Variants in APBB2 observed in about 807,000 individuals in gnomAD.
The protein encoded by APBB2 is amyloid beta precursor protein binding family B member 2, also known as Fe65-like 1.
Under a neutral mutation model 82.5 loss-of-function variants are expected in APBB2, and 38 were observed. That is an observed-to-expected ratio of 0.46 (90% CI 0.36 to 0.60). APBB2 has a LOEUF of 0.60. Among genes scored for constraint, APBB2 ranks in the 20% least tolerant of loss-of-function variants. The pLI, the probability that APBB2 is intolerant of heterozygous loss-of-function variation, is 0.00. For missense variants in APBB2, 772 were observed against 972.3 expected, an observed-to-expected ratio of 0.79 and a Z score of 2.74; for synonymous variants, 341 against 368.2, an observed-to-expected ratio of 0.93 and a Z score of 0.85.
At chr4:41,158,254 A>G (rs77184204) in intron 1 of APBB2, among the ~76,000 whole-genome samples, 6,206 of 152,272 alleles carry the variant, frequency 0.041, 140 homozygotes, top group Middle Eastern at 0.058. Context: ...AAGCACCTGA[A>G]TTGGCTATTA....
At chr4:40,825,119 T>C (rs886503978) in intron 15 of APBB2, among the ~76,000 whole-genome samples, 3 of 152,258 alleles carry the variant, frequency 2.0e-5, no homozygotes, top group African/African-American at 7.2e-5. Context: ...GTCAGTTGAT[T>C]TGTCAGGACA....
chr4:41,133,840 C>T (rs965024842), intron 2 of APBB2, among the ~76,000 whole-genome samples: 1 of 152,184 alleles, frequency 6.6e-6, no homozygotes, highest in African/African-American at 2.4e-5. Flanking sequence ...TTATCTTCTT[C>T]CTTCCTTCTC....
chr4:41,074,621 T>A (rs1305959455), intron 3 of APBB2, among the ~76,000 whole-genome samples: 31 of 149,892 alleles, frequency 2.1e-4, no homozygotes, highest in Non-Finnish European at 3.7e-4. Flanking sequence ...TTTTTTTTTT[T>A]TTTTTTGAGA....
At chr4:41,108,444 A>G (rs1748029319) in intron 2 of APBB2, among the ~76,000 whole-genome samples, 1 of 151,442 alleles carries the variant, frequency 6.6e-6, no homozygotes, top group African/African-American at 2.4e-5. Flanking sequence ...CGTTGAGAAG[A>G]AAAAAAAAGA....
At chr4:41,154,423 C>T (rs1762987150) in intron 1 of APBB2, among the ~76,000 whole-genome samples, 2 of 152,238 alleles carry the variant, frequency 1.3e-5, no homozygotes, top group African/African-American at 4.8e-5. Context: ...GTTGCGTTTC[C>T]ATAACCAGGA....
rs199943095 is a variant in APBB2, at chr4:41,065,284, C to CA, written c.-51+291dup. On this transcript the variant is annotated intron_variant, in intron 4 of 17. Transcript: ENST00000508593. ...TGGGCAACAGAGCAAGACCCTGTCT[C>CA]AAAAAAGAAAAGAAAAATTTGGAAA... Among the ~76,000 whole-genome samples, 248 of 151,690 alleles carry CA rather than the reference C, an allele frequency of 1.6e-3. 9 individuals carry two copies. In the East Asian group the frequency reaches 0.044, roughly 27 times the overall value.
At chr4:41,081,291 C>T (rs1303336103) in intron 3 of APBB2, among the ~76,000 whole-genome samples, 5 of 152,074 alleles carry the variant, frequency 3.3e-5, no homozygotes, top group South Asian at 2.1e-4. Context: ...TATGTGTGTA[C>T]GTGTGTACAC....
chr4:41,157,145 G>T (rs970079550), intron 1 of APBB2, among the ~76,000 whole-genome samples: 1 of 151,594 alleles, frequency 6.6e-6, no homozygotes, highest in African/African-American at 2.4e-5. Context: ...GTTTTAAAGC[G>T]CTTGGCACAG....
At chr4:41,066,370 A>G (rs1731812043) in intron 3 of APBB2, among the ~76,000 whole-genome samples, 1 of 152,180 alleles carries the variant, frequency 6.6e-6, no homozygotes, top group South Asian at 2.1e-4. Context: ...TTTTTATTTA[A>G]AAAACATATG....
chr4:40,972,707 CAGTT>C (rs1175417286), intron 6 of APBB2, among the ~76,000 whole-genome samples: 3 of 152,146 alleles, frequency 2.0e-5, no homozygotes, highest in Admixed American at 6.5e-5. Context: ...GAGTGGAATC[CAGTT>C]AGTAATTTCC....
At chr4:40,928,955 C>A (rs1274458455) in intron 10 of APBB2, among the ~76,000 whole-genome samples, 1 of 148,524 alleles carries the variant, frequency 6.7e-6, no homozygotes, top group African/African-American at 2.5e-5. Context: ...TGCAATATGG[C>A]ATCCTAGATT....
chr4:40,992,362 G>GT (rs1553899623), intron 6 of APBB2, among the ~76,000 whole-genome samples: 1 of 4,190 alleles, frequency 2.4e-4, no homozygotes, highest in Middle Eastern at 0.5. Context: ...TGGTAGAGAT[G>GT]GGGGGGGGTC....
chr4:40,824,784 C>G (rs1577702532), intron 15 of APBB2, among the ~76,000 whole-genome samples: 1 of 152,246 alleles, frequency 6.6e-6, no homozygotes, highest in Middle Eastern at 3.4e-3. Flanking sequence ...AGCCACCATG[C>G]TAGACCTACC....
At chr4:40,883,526 G>A (rs1237297956) in intron 12 of APBB2, among the ~76,000 whole-genome samples, 3 of 152,156 alleles carry the variant, frequency 2.0e-5, no homozygotes, top group African/African-American at 7.2e-5. Flanking sequence ...GGTGGAGGTT[G>A]CAGTGAGCCG....
chr4:40,938,127 T>G (rs1307238329), intron 7 of APBB2, among the ~76,000 whole-genome samples: 5 of 152,194 alleles, frequency 3.3e-5, no homozygotes, highest in Non-Finnish European at 7.3e-5. Flanking sequence ...GCAACAAGCT[T>G]CCATGAGCCT....
At chr4:41,105,863 G>A (rs1420318990) in intron 2 of APBB2, among the ~76,000 whole-genome samples, 1 of 148,318 alleles carries the variant, frequency 6.7e-6, no homozygotes. Flanking sequence ...TCCAGCCTGG[G>A]CGACAGAGCG....
chr4:40,813,772 G>A lies in APBB2; in HGVS notation c.*2320C>T, dbSNP rs948777877. The A allele has an allele frequency of 1.3e-5, 2 of 152,104 alleles. No homozygotes were observed. The highest frequency in any genetic ancestry group is 2.9e-5 in the Non-Finnish European group (2 of 68,020). The allele number at this position is 152,104 out of a possible 1,614,324, so 9.4% of individuals were successfully genotyped here. On this transcript the variant is annotated 3_prime_UTR_variant, in exon 18 of 18. Transcript: ENST00000508593. Reference sequence around the variant, plus strand: ...GTAGAGATTTCCAATATAAAAGTGGGTAATTTGTTTAGAATTTTGAAATTT... The same window carrying A: ...GTAGAGATTTCCAATATAAAAGTGGATAATTTGTTTAGAATTTTGAAATTT...
chr4:41,123,900 G>A (rs907343217), intron 2 of APBB2, among the ~76,000 whole-genome samples: 2 of 152,056 alleles, frequency 1.3e-5, no homozygotes, highest in African/African-American at 4.8e-5. Context: ...TAGCAGGGAA[G>A]GGCAGAGATA....
chr4:40,816,850 T>A (rs1560591733), intron 17 of APBB2, among the ~76,000 whole-genome samples: 2 of 152,244 alleles, frequency 1.3e-5, no homozygotes, highest in Non-Finnish European at 2.9e-5. Flanking sequence ...TTCAGAAATG[T>A]TTGTTTCCTT....
Sources: allele counts gnomAD v4.1 joint callset (sites outside exome capture counted in the v4.1 genomes callset), GRCh38; gene constraint gnomAD v4.1.1; transcripts MANE v1.5; gene names NCBI Gene and HGNC (gene_info 2026-07-23, HGNC 2026-07-21).